The following CDYL2 variants were observed in gnomAD, a reference collection of about 807,000 sequenced individuals.
The protein encoded by CDYL2 is chromodomain Y like 2, also known as chromodomain Y-like protein 2.
Under a neutral mutation model 49.4 loss-of-function variants are expected in CDYL2, and 23 were observed. The ratio of observed to expected loss-of-function variants is 0.47; its 90% confidence interval spans 0.34 to 0.66. CDYL2 has a LOEUF of 0.66. Among genes scored for constraint, CDYL2 ranks in the 30% least tolerant of loss-of-function variants. The pLI is 0.01. For synonymous variants in CDYL2, 360 were observed against 268.8 expected (o/e 1.34, Z -3.32); for missense variants, 678 against 656.4 (o/e 1.03, Z -0.36).
chr16:80,782,149 C>T (rs1247491467), intron 1 of CDYL2, among the ~76,000 whole-genome samples: 3 of 151,328 alleles, frequency 2.0e-5, no homozygotes, highest in Non-Finnish European at 4.4e-5. Context: ...GAAGAAGGCT[C>T]AATGAGAAAT....
At chr16:80,606,960 T>C (rs979407567) in intron 6 of CDYL2, among the ~76,000 whole-genome samples, 3 of 152,186 alleles carry the variant, frequency 2.0e-5, no homozygotes, top group African/African-American at 7.2e-5. Context: ...CTTTTCTTTA[T>C]AAATTACCCA....
chr16:80,781,374 C>T (rs766388172), intron 1 of CDYL2, among the ~76,000 whole-genome samples: 9 of 151,892 alleles, frequency 5.9e-5, no homozygotes, highest in Non-Finnish European at 1.0e-4. Flanking sequence ...ACAACAGAGC[C>T]CCCAAAATAT....
At chr16:80,609,516 T>C (rs996278758) in intron 5 of CDYL2, among the ~76,000 whole-genome samples, 8 of 152,328 alleles carry the variant, frequency 5.3e-5, no homozygotes, top group African/African-American at 1.9e-4. Flanking sequence ...ATATGCTTGC[T>C]TGGTTCAAGA....
chr16:80,723,101 C>T (rs568572998), intron 1 of CDYL2, among the ~76,000 whole-genome samples: 27 of 152,180 alleles, frequency 1.8e-4, no homozygotes, highest in African/African-American at 6.5e-4. Context: ...GTACCCACCA[C>T]AGGCACCTCC....
intron 4 of CDYL2, among the ~76,000 whole-genome samples, chr16:80,618,980 G>A (rs1313852571): frequency 6.6e-6 from 1 of 152,162 alleles, no homozygotes; most frequent in Non-Finnish European, 1.5e-5. Flanking sequence ...CATAGTTCTG[G>A]AGACCAGAAC....
intron 1 of CDYL2, among the ~76,000 whole-genome samples, chr16:80,767,720 T>A (rs1212507855): frequency 6.6e-6 from 1 of 152,214 alleles, no homozygotes; most frequent in African/African-American, 2.4e-5. Context: ...TGCTGGAGAA[T>A]GCAACTGAAA....
At chr16:80,644,573 G>A (rs924755067) in intron 2 of CDYL2, among the ~76,000 whole-genome samples, 3 of 152,180 alleles carry the variant, frequency 2.0e-5, no homozygotes, top group Non-Finnish European at 4.4e-5. Context: ...CAGAATCATG[G>A]CAGCATGCGA....
chr16:80,660,818 G>C (rs1015883431), intron 2 of CDYL2, among the ~76,000 whole-genome samples: 1 of 152,164 alleles, frequency 6.6e-6, no homozygotes, highest in Non-Finnish European at 1.5e-5. Context: ...AAGGATCCCA[G>C]GGGAATCAAG....
intron 1 of CDYL2, among the ~76,000 whole-genome samples, chr16:80,700,432 A>G (rs766154946): frequency 1.3e-5 from 2 of 152,226 alleles, no homozygotes; most frequent in Non-Finnish European, 1.5e-5. Flanking sequence ...ATTTGCAACA[A>G]AAGAGTAACA....
At position 80,764,354 on chromosome 16, in the gene CDYL2, G is replaced by A. The variant is rs1347985791; in HGVS notation, c.24+39796C>T. ...TCTGAGAGACAGAAAAAGAGATATG[G>A]GAAAACTGAGCCATGTGTCTTATTC... On this transcript the variant is annotated intron_variant, in intron 1 of 6. Transcript: ENST00000570137. 2.6e-5 allele frequency among the ~76,000 whole-genome samples: 4 copies of A among 152,072 alleles called. No individual in the cohort carries two copies. The East Asian group carries it at 5.8e-4, about 22-fold the overall frequency.
intron 5 of CDYL2, among the ~76,000 whole-genome samples, chr16:80,610,848 A>G (rs1198114745): frequency 6.6e-6 from 1 of 152,058 alleles, no homozygotes; most frequent in African/African-American, 2.4e-5. Context: ...ATGACCTATG[A>G]CATCTGCTGG....
At chr16:80,650,327 G>A (rs1348305533) in intron 2 of CDYL2, among the ~76,000 whole-genome samples, 1 of 152,162 alleles carries the variant, frequency 6.6e-6, no homozygotes, top group Non-Finnish European at 1.5e-5. Flanking sequence ...TTTCTCAAAA[G>A]AGGACATACA....
chr16:80,670,035 C>G (rs1325285373), intron 2 of CDYL2, among the ~76,000 whole-genome samples: 5 of 152,240 alleles, frequency 3.3e-5, no homozygotes, highest in Non-Finnish European at 7.3e-5. Flanking sequence ...ACATGGGGCA[C>G]AACAACCTCA....
At chr16:80,608,407 G>A (rs142194846) in intron 5 of CDYL2, among the ~76,000 whole-genome samples, 172 bp from the exon 6 acceptor site, 5 of 152,272 alleles carry the variant, frequency 3.3e-5, no homozygotes, top group East Asian at 3.9e-4. Context: ...GGAAATGTTC[G>A]TGTGCATGAG....
intron 1 of CDYL2, among the ~76,000 whole-genome samples, chr16:80,743,811 G>C (rs1905832958): frequency 6.6e-6 from 1 of 152,068 alleles, no homozygotes; most frequent in African/African-American, 2.4e-5. Context: ...ATGAAGATAA[G>C]TAAGAACTGA....
At chr16:80,715,792 C>G (rs1482197277) in intron 1 of CDYL2, among the ~76,000 whole-genome samples, 1 of 152,214 alleles carries the variant, frequency 6.6e-6, no homozygotes, top group African/African-American at 2.4e-5. Flanking sequence ...TCACTCTCTG[C>G]CCTGCAGCCA....
chr16:80,662,759 G>T (rs1326853564), intron 2 of CDYL2: 1 of 455,888 alleles, frequency 2.2e-6, no homozygotes, highest in Non-Finnish European at 4.4e-6. Flanking sequence ...TGTGGCTGAT[G>T]GCTACCGTAC....
intron 1 of CDYL2, among the ~76,000 whole-genome samples, chr16:80,786,768 T>G (rs978121629): frequency 6.6e-6 from 1 of 152,150 alleles, no homozygotes; most frequent in African/African-American, 2.4e-5. Flanking sequence ...ATGTCCCTTG[T>G]AGGGACACGG....
intron 1 of CDYL2, among the ~76,000 whole-genome samples, chr16:80,747,743 A>G (rs2142559217): frequency 6.6e-6 from 1 of 152,234 alleles, no homozygotes; most frequent in Admixed American, 6.5e-5. Context: ...ACCACTGAGT[A>G]AGTGCCCTAG....
Sources: allele counts gnomAD v4.1 joint callset (sites outside exome capture counted in the v4.1 genomes callset), GRCh38; gene constraint gnomAD v4.1.1; transcripts MANE v1.5; gene names NCBI Gene and HGNC (gene_info 2026-07-23, HGNC 2026-07-21).